SYNDIG1: variants seen among roughly 807,000 people sequenced by gnomAD.
SYNDIG1 encodes the protein synapse differentiation-inducing gene protein 1.
In SYNDIG1, 9 loss-of-function variants were observed where a neutral mutation model predicts 19.4. That is an observed-to-expected ratio of 0.46 (90% CI 0.28 to 0.81). The LOEUF is 0.81. Among genes scored for constraint, SYNDIG1 ranks in the 30% least tolerant of loss-of-function variants. The pLI, the probability that SYNDIG1 is intolerant of heterozygous loss-of-function variation, is 0.12. For synonymous variants in SYNDIG1, 141 were observed against 145.9 expected, an observed-to-expected ratio of 0.97 and a Z score of 0.24; for missense variants, 311 against 343.3, an observed-to-expected ratio of 0.91 and a Z score of 0.74.
At chr20:24,646,174 C>T (rs1251546058) in intron 3 of SYNDIG1, among the ~76,000 whole-genome samples, 1 of 152,184 alleles carries the variant, frequency 6.6e-6, no homozygotes, top group African/African-American at 2.4e-5. Flanking sequence ...CTGAGGAAAC[C>T]ATGCATGTTC....
intron 1 of SYNDIG1, among the ~76,000 whole-genome samples, chr20:24,542,537 G>A (rs1600570903): frequency 6.6e-6 from 1 of 152,180 alleles, no homozygotes; most frequent in Non-Finnish European, 1.5e-5. Context: ...TAGCAGATTC[G>A]TGTTTGGGAC....
chr20:24,557,842 G>C (rs1315464181), intron 2 of SYNDIG1, among the ~76,000 whole-genome samples: 2 of 152,152 alleles, frequency 1.3e-5, no homozygotes, highest in Non-Finnish European at 2.9e-5. Flanking sequence ...TCAAAGCTCA[G>C]ATGGAAATGC....
chr20:24,477,753 G>A (rs1432999838), intron 1 of SYNDIG1, among the ~76,000 whole-genome samples: 1 of 152,194 alleles, frequency 6.6e-6, no homozygotes, highest in Admixed American at 6.5e-5. Flanking sequence ...CATGGAAGTG[G>A]AGTAGGGAGA....
intron 3 of SYNDIG1, among the ~76,000 whole-genome samples, chr20:24,627,150 G>GGAGAGGGAGAGGGAGAGCGAGAGC (rs2059160046): frequency 7.3e-6 from 1 of 136,398 alleles, no homozygotes; most frequent in Non-Finnish European, 1.6e-5. Flanking sequence ...AGAGGGAGAG[G>GGAGAGGGAGAGGGAGAGCGAGAGC]GAGAGCGAGA....
intron 1 of SYNDIG1, among the ~76,000 whole-genome samples, chr20:24,477,498 G>A (rs868627250): frequency 1.6e-4 from 24 of 152,200 alleles, no homozygotes; most frequent in Middle Eastern, 3.4e-3. Flanking sequence ...CCTTGCCCCC[G>A]GTGCACCTGG....
chr20:24,479,040 G>C (rs981781436), intron 1 of SYNDIG1, among the ~76,000 whole-genome samples: 1 of 152,160 alleles, frequency 6.6e-6, no homozygotes, highest in Non-Finnish European at 1.5e-5. Flanking sequence ...GATCTTCCTC[G>C]AATTTCTATT....
At chr20:24,546,181 T>C (rs2057572562) in intron 2 of SYNDIG1, among the ~76,000 whole-genome samples, 1 of 152,236 alleles carries the variant, frequency 6.6e-6, no homozygotes, top group Non-Finnish European at 1.5e-5. Flanking sequence ...AGTATAGCTA[T>C]GGTGCTTTTC....
At position 24,665,770 on chromosome 20, in the gene SYNDIG1, T is replaced by G. The variant is rs2059642337; in HGVS notation, c.*266T>G. The G allele has an allele frequency of 2.1e-6, 1 of 475,396 alleles. No individual in the cohort carries two copies. The allele number at this position is 475,396 out of a possible 1,614,324, so 29.4% of individuals were successfully genotyped here. A position where few individuals can be genotyped will look rare whatever the true frequency, so the allele number is the denominator to read the frequency against. Reference sequence around the variant, plus strand: ...GCCCGCAAGGCTGTCTCTGGATGGATTCTGGTGGATGAATGGCAACGCGGC... The same window carrying G: ...GCCCGCAAGGCTGTCTCTGGATGGAGTCTGGTGGATGAATGGCAACGCGGC... On this transcript the variant is annotated 3_prime_UTR_variant, in exon 4 of 4. Coordinates refer to ENST00000376862, the MANE Select transcript of SYNDIG1 (RefSeq NM_024893.3).
At chr20:24,595,691 G>A (rs1196765393) in intron 3 of SYNDIG1, among the ~76,000 whole-genome samples, 4 of 152,156 alleles carry the variant, frequency 2.6e-5, no homozygotes, top group Admixed American at 6.5e-5. Flanking sequence ...CTTTTCAGGG[G>A]TTCAATTTCT....
At chr20:24,596,586 C>T (rs984319489) in intron 3 of SYNDIG1, among the ~76,000 whole-genome samples, 4 of 151,382 alleles carry the variant, frequency 2.6e-5, no homozygotes, top group Non-Finnish European at 4.4e-5. Context: ...GCCATGTTGC[C>T]TAGGCTAGCC....
At chr20:24,623,283 G>C (rs1319918642) in intron 3 of SYNDIG1, among the ~76,000 whole-genome samples, 1 of 152,096 alleles carries the variant, frequency 6.6e-6, no homozygotes, top group Non-Finnish European at 1.5e-5. Flanking sequence ...TGGCAAGTTA[G>C]AATTGCATAT....
intron 3 of SYNDIG1, among the ~76,000 whole-genome samples, chr20:24,660,412 C>T (rs887509816): frequency 2.6e-5 from 4 of 152,168 alleles, no homozygotes; most frequent in African/African-American, 9.7e-5. Context: ...CTTCCTGTTG[C>T]CTCTTGGCCT....
intron 2 of SYNDIG1, among the ~76,000 whole-genome samples, chr20:24,565,877 C>T (rs2058034908): frequency 6.6e-6 from 1 of 152,112 alleles, no homozygotes; most frequent in South Asian, 2.1e-4. Context: ...TTTCTCTTGC[C>T]CTTCACTTGG....
At chr20:24,510,350 C>T (rs1358923804) in intron 1 of SYNDIG1, among the ~76,000 whole-genome samples, 11 of 151,530 alleles carry the variant, frequency 7.3e-5, no homozygotes, top group Admixed American at 7.2e-4. Flanking sequence ...GGGCAGATCA[C>T]CTGAGGTCAG....
At chr20:24,592,146 A>C (rs1452130688) in intron 3 of SYNDIG1, among the ~76,000 whole-genome samples, 1 of 152,202 alleles carries the variant, frequency 6.6e-6, no homozygotes, top group Admixed American at 6.5e-5. Flanking sequence ...GTAGCAGAGT[A>C]GAAGTATAAG....
At chr20:24,521,877 G>A (rs537207234) in intron 1 of SYNDIG1, among the ~76,000 whole-genome samples, 12 of 143,940 alleles carry the variant, frequency 8.3e-5, no homozygotes, top group Admixed American at 2.8e-4. Context: ...TCCAGCATGG[G>A]TGAAAAAGAA....
intron 2 of SYNDIG1, among the ~76,000 whole-genome samples, chr20:24,579,502 T>C (rs1278961936): frequency 1.3e-5 from 2 of 152,208 alleles, no homozygotes; most frequent in African/African-American, 2.4e-5. Context: ...GAGTCACTTA[T>C]GTCAAAGGTG....
Position 24,578,855 on chromosome 20 carries a change from A to G in SYNDIG1, c.481-6001A>G, listed in dbSNP as rs2058275558. 1.3e-5 allele frequency among the ~76,000 whole-genome samples: 2 copies of G among 152,178 alleles called. 1 individual carries two copies. Among genetic ancestry groups the G allele is most frequent in the Admixed American group, 1.3e-4 (2 of 15,288 alleles). ...GATCCTCACTTTTGTGCCTTTCCAC[A>G]GTGTCAGGCTTTTTATTGATGCTGC... On this transcript the variant is annotated intron_variant, in intron 2 of 3. Coordinates refer to ENST00000376862, the MANE Select transcript of SYNDIG1 (RefSeq NM_024893.3).
intron 3 of SYNDIG1, among the ~76,000 whole-genome samples, chr20:24,590,599 G>A (rs2058494041): frequency 6.6e-6 from 1 of 152,122 alleles, no homozygotes; most frequent in South Asian, 2.1e-4. Context: ...TCTTCTGGGT[G>A]AATGACCCCT....
Sources: gnomAD v4.1 joint callset for allele counts (sites outside exome capture counted in the v4.1 genomes callset) on GRCh38, gnomAD v4.1.1 for gene constraint, MANE v1.5 for transcripts, NCBI Gene and HGNC (gene_info 2026-07-23, HGNC 2026-07-21) for gene names.